Variants in LSAMP observed in about 807,000 individuals in gnomAD.
LSAMP encodes limbic system-associated membrane protein.
Under a neutral mutation model 38.6 loss-of-function variants are expected in LSAMP, and 7 were observed. The observed-to-expected ratio is 0.18, with a 90% confidence interval of 0.10 to 0.34. The LOEUF is 0.34. Ranked by LOEUF, LSAMP falls within the 10% of genes least tolerant of loss-of-function variation. LSAMP has a pLI of 1.00. For missense variants in LSAMP, 313 were observed against 420.0 expected, an observed-to-expected ratio of 0.75 and a Z score of 2.23; for synonymous variants, 154 against 166.8, an observed-to-expected ratio of 0.92 and a Z score of 0.59.
intron 1 of LSAMP, among the ~76,000 whole-genome samples, chr3:116,214,724 A>T (rs145360924): frequency 1.3e-5 from 2 of 151,904 alleles, no homozygotes; most frequent in African/African-American, 2.4e-5. Flanking sequence ...GCTCGTCTCA[A>T]ATTCCTGACC....
intron 2 of LSAMP, among the ~76,000 whole-genome samples, chr3:116,074,027 G>C (rs1405672669): frequency 6.6e-6 from 1 of 152,114 alleles, no homozygotes; most frequent in Non-Finnish European, 1.5e-5. Context: ...CTGGATCCAG[G>C]CCTTACTGAA....
intron 1 of LSAMP, among the ~76,000 whole-genome samples, chr3:116,331,780 T>C (rs1247036676): frequency 1.3e-5 from 2 of 152,206 alleles, no homozygotes; most frequent in Non-Finnish European, 2.9e-5. Context: ...AATATTATTA[T>C]AACAATGGAT....
chr3:116,377,390 A>T (rs112369881), intron 1 of LSAMP, among the ~76,000 whole-genome samples: 4,600 of 152,008 alleles, frequency 0.03, 227 homozygotes, highest in African/African-American at 0.1. Context: ...TCCATACATG[A>T]CCCTGCAAAG....
chr3:115,895,818 T>C (rs1936714643), intron 3 of LSAMP, among the ~76,000 whole-genome samples: 1 of 152,070 alleles, frequency 6.6e-6, no homozygotes, highest in South Asian at 2.1e-4. Context: ...TGTTGAGGGG[T>C]TACCTCTTTA....
intron 2 of LSAMP, among the ~76,000 whole-genome samples, chr3:116,071,620 T>G (rs1707608106): frequency 1.3e-5 from 2 of 152,202 alleles, no homozygotes; most frequent in South Asian, 2.1e-4. Flanking sequence ...AGTTCTAGGG[T>G]ACACTGGCAG....
intron 3 of LSAMP, among the ~76,000 whole-genome samples, chr3:115,900,512 C>CAAAAAAA (rs5851983): frequency 1.3e-5 from 1 of 74,366 alleles, no homozygotes; most frequent in Non-Finnish European, 2.8e-5. Flanking sequence ...TGAGACTGTC[C>CAAAAAAA]AAAAAAAAAA....
chr3:116,278,514 C>T (rs1387529649), intron 1 of LSAMP, among the ~76,000 whole-genome samples: 2 of 152,082 alleles, frequency 1.3e-5, no homozygotes, highest in East Asian at 3.9e-4. Flanking sequence ...GCAGAAAAAG[C>T]CAGGAGGAGC....
In LSAMP at chr3:116,086,385, G is replaced by A. The variant is rs760304579; in HGVS notation, c.327C>T (p.Tyr109=). 14 of 1,614,154 alleles carry A rather than the reference G, an allele frequency of 8.7e-6. No individual in the cohort carries two copies. In the East Asian group the frequency reaches 2.9e-4, roughly 33 times the overall value. ...CATGCTGTGTCTGAACTGAGCAAGTGTAGGAACCCTCATCATAGACATCCA... is the reference window on the plus strand; with the variant it reads ...CATGCTGTGTCTGAACTGAGCAAGTATAGGAACCCTCATCATAGACATCCA... The part of the protein sequence containing the change: ...QKVDVYDEGS[Y]TCSVQTQHEP... Residue 109 remains tyrosine, a synonymous_variant, in exon 2 of 7, where the codon TAC becomes TAT. Coordinates refer to ENST00000490035, the MANE Select transcript of LSAMP (RefSeq NM_002338.5).
chr3:116,281,755 T>C (rs1312050842), intron 1 of LSAMP, among the ~76,000 whole-genome samples: 1 of 152,166 alleles, frequency 6.6e-6, no homozygotes, highest in Non-Finnish European at 1.5e-5. Context: ...TCATTTAGAG[T>C]GTCACAGCAT....
At chr3:115,946,971 C>T (rs1938118352) in intron 3 of LSAMP, among the ~76,000 whole-genome samples, 1 of 150,758 alleles carries the variant, frequency 6.6e-6, no homozygotes, top group Non-Finnish European at 1.5e-5. Context: ...TAGATTCTTT[C>T]CTAAGAAATA....
At chr3:115,952,151 A>G (rs899370135) in intron 3 of LSAMP, among the ~76,000 whole-genome samples, 20 of 152,328 alleles carry the variant, frequency 1.3e-4, no homozygotes, top group South Asian at 2.1e-4. Flanking sequence ...AACAGAAAAC[A>G]GTATAGACAT....
chr3:116,161,055 T>C (rs1473709653), intron 1 of LSAMP, among the ~76,000 whole-genome samples: 1 of 152,234 alleles, frequency 6.6e-6, no homozygotes. Flanking sequence ...CTAGTGCAAG[T>C]GAAGAACTGA....
intron 1 of LSAMP, among the ~76,000 whole-genome samples, chr3:116,091,813 G>A (rs1708130331): frequency 1.3e-5 from 2 of 152,196 alleles, no homozygotes; most frequent in African/African-American, 4.8e-5. Context: ...AATGACAATG[G>A]GTGTTAGTGC....
At chr3:116,388,941 TA>T (rs2048658673) in intron 1 of LSAMP, among the ~76,000 whole-genome samples, 1 of 151,734 alleles carries the variant, frequency 6.6e-6, no homozygotes, top group Non-Finnish European at 1.5e-5. Context: ...CAATAGAAAA[TA>T]AATTGGCATT....
At chr3:116,002,929 A>G (rs1052784452) in intron 3 of LSAMP, among the ~76,000 whole-genome samples, 1 of 152,204 alleles carries the variant, frequency 6.6e-6, no homozygotes, top group Non-Finnish European at 1.5e-5. Flanking sequence ...CTGGTTAAGA[A>G]GAAGTGCTAT....
chr3:116,031,316 A>G lies in LSAMP; in HGVS notation c.389-11676T>C, dbSNP rs1450318161. Among the ~76,000 whole-genome samples, 4 of 151,998 alleles carry G rather than the reference A, an allele frequency of 2.6e-5. No homozygotes were observed. In the East Asian group the frequency reaches 7.7e-4, roughly 29 times the overall value. ...GTGATGAGGGGATAAAACAATAACA[A>G]TTATGACTTAGATCAACCATGTTTT... is the stretch of plus-strand genomic sequence containing the variant. On this transcript the variant is annotated intron_variant, in intron 2 of 6. Coordinates refer to ENST00000490035, the MANE Select transcript of LSAMP (RefSeq NM_002338.5).
At chr3:116,212,627 GTTTAT>G (rs2046173085) in intron 1 of LSAMP, among the ~76,000 whole-genome samples, 1 of 151,738 alleles carries the variant, frequency 6.6e-6, no homozygotes, top group African/African-American at 2.4e-5. Flanking sequence ...TACTAAAAAT[GTTTAT>G]TTAAGCATTT....
intron 1 of LSAMP, among the ~76,000 whole-genome samples, chr3:116,288,620 G>A (rs1033967682): frequency 6.6e-6 from 1 of 152,066 alleles, no homozygotes; most frequent in East Asian, 1.9e-4. Context: ...CTGTGATGAC[G>A]TCCCGAAAAT....
At chr3:116,239,954 C>A (rs1397671211) in intron 1 of LSAMP, among the ~76,000 whole-genome samples, 1 of 152,046 alleles carries the variant, frequency 6.6e-6, no homozygotes, top group African/African-American at 2.4e-5. Flanking sequence ...ATCTACTCTG[C>A]CATTTAGCTG....
Sources: allele counts gnomAD v4.1 joint callset (sites outside exome capture counted in the v4.1 genomes callset), GRCh38; gene constraint gnomAD v4.1.1; transcripts MANE v1.5; gene names NCBI Gene and HGNC (gene_info 2026-07-23, HGNC 2026-07-21).